The following ZNF469 variants were observed in gnomAD, a reference collection of about 807,000 sequenced individuals.
ZNF469 encodes zinc finger protein 469.
Under a neutral mutation model 1.0 loss-of-function variants are expected in ZNF469, and 1 was observed. That is an observed-to-expected ratio of 1.00 (90% CI 0.35 to 4.73). The LOEUF is 4.73. ZNF469 is among the 30% of genes most tolerant of loss of function. The probability of loss-of-function intolerance (pLI) is 0.16; values close to 1 mark genes in which losing one functional copy is unlikely to be tolerated. For synonymous variants in ZNF469, 2,703 were observed against 2,363.4 expected (o/e 1.14, Z -4.17); for missense variants, 6,100 against 5,356.3 (o/e 1.14, Z -4.33).
At chr16:88,386,791 G>C (rs2092537604) in intron 1 of ZNF469, among the ~76,000 whole-genome samples, 2 of 152,202 alleles carry the variant, frequency 1.3e-5, no homozygotes, top group South Asian at 4.1e-4. Context: ...CATGCTGGGG[G>C]CTGGACAGAG....
rs767731436 is a variant in ZNF469, at chr16:88,436,176, G to T, written c.8706G>T (p.Thr2902=). The stretch of plus-strand genomic sequence containing the variant: ...GCTTTGAGGAGGGCGGTGACCCCAC[G>T]CTGGGCCCAGCCCGCCTGCCCACGG... The part of the protein sequence containing the change: ...QPSFEEGGDP[T]LGPARLPTDL... The change falls in exon 3 of 3, where the codon ACG becomes ACT. Residue 2902 remains threonine (T), a synonymous_variant. Transcript: ENST00000565624. 3 of 1,547,550 alleles carry T rather than the reference G, an allele frequency of 1.9e-6. No homozygotes were observed. In the Admixed American group the frequency reaches 5.9e-5, roughly 30 times the overall value.
the ZNF469 span, among the ~76,000 whole-genome samples, chr16:88,377,660 C>T: frequency 6.6e-5 from 10 of 152,044 alleles, no homozygotes; most frequent in African/African-American, 1.7e-4. Context: ...TCCTCACTCC[C>T]CATCCTCCCT....
chr16:88,190,739 G>C, the ZNF469 span, among the ~76,000 whole-genome samples: 3 of 152,052 alleles, frequency 2.0e-5, no homozygotes, highest in Non-Finnish European at 4.4e-5. Flanking sequence ...GCTTGAACTA[G>C]GGAAGTATGT....
chr16:88,347,562 A>G, the ZNF469 span, among the ~76,000 whole-genome samples: 58 of 152,244 alleles, frequency 3.8e-4, no homozygotes, highest in African/African-American at 1.3e-3. Flanking sequence ...CAGAACTGTG[A>G]CGATAAACTC....
At chr16:88,308,041 T>C in the ZNF469 span, among the ~76,000 whole-genome samples, 1 of 152,228 alleles carries the variant, frequency 6.6e-6, no homozygotes, top group South Asian at 2.1e-4. Flanking sequence ...CTAACCTCAT[T>C]CTTTTGCACA....
At chr16:88,318,494 G>C in the ZNF469 span, among the ~76,000 whole-genome samples, 1 of 151,996 alleles carries the variant, frequency 6.6e-6, no homozygotes, top group African/African-American at 2.4e-5. Context: ...TCAGGATCAG[G>C]CAATTCTCCC....
In ZNF469 at chr16:88,435,560, C is replaced by T. The variant is rs1906511870; in HGVS notation, c.8090C>T (p.Thr2697Ile). 2 of 1,549,878 alleles carry T rather than the reference C, an allele frequency of 1.3e-6. No individual in the cohort carries two copies. The highest frequency in any genetic ancestry group is 1.7e-6 in the Non-Finnish European group (2 of 1,146,990). ...GGGGAGCAGCCGCCTCGCTTGGCCA[C>T]TCTGGGACCTGGGGTGATGGAGGGT... ...ADGEQPPRLA[T>I]LGPGVMEGAA... The change falls in exon 3 of 3, where the codon ACT becomes ATT. Residue 2697 changes from threonine (T) to isoleucine (I), a missense_variant. By Grantham distance (89) the Thr-to-Ile change is moderately conservative (BLOSUM62 -1). Coordinates refer to ENST00000565624, the MANE Select transcript of ZNF469 (RefSeq NM_001367624.2).
the ZNF469 span, among the ~76,000 whole-genome samples, chr16:88,161,639 A>G: frequency 2.0e-5 from 3 of 152,194 alleles, no homozygotes; most frequent in African/African-American, 7.2e-5. Context: ...TTTTGGTTGC[A>G]TTTTATTCGG....
chr16:88,435,734 T>C lies in ZNF469; in HGVS notation c.8264T>C (p.Phe2755Ser). ...CAGAAGGGAGCCTCGGCAAGGGGGT[T>C]CTGGGGACCAAGAGAGACCAAGGCG... ...TGQKGASARG[F>S]WGPRETKALG... The change falls in exon 3 of 3, where the codon TTC becomes TCC. Residue 2755 changes from phenylalanine to serine, a missense_variant. Physicochemically the swap from Phe to Ser is radical, Grantham distance 155. Coordinates refer to ENST00000565624, the MANE Select transcript of ZNF469 (RefSeq NM_001367624.2). 5.2e-6 allele frequency: 8 copies of C among 1,550,790 alleles called. No individual in the cohort carries two copies. The highest frequency in any genetic ancestry group is 7.0e-6 in the Non-Finnish European group (8 of 1,146,980).
intron 1 of ZNF469, among the ~76,000 whole-genome samples, chr16:88,403,646 C>T (rs1246384144): frequency 2.0e-5 from 3 of 152,226 alleles, no homozygotes; most frequent in Non-Finnish European, 4.4e-5. Context: ...CTGCCCTCGG[C>T]CCCCACAGTT....
the ZNF469 span, among the ~76,000 whole-genome samples, chr16:88,251,536 GTCTTTTTT>G: frequency 5.1e-5 from 4 of 78,788 alleles, no homozygotes; most frequent in African/African-American, 5.3e-5. Flanking sequence ...TGTCCCTGCT[GTCTTTTTT>G]TTTTTTTTTT....
chr16:88,337,233 C>G, the ZNF469 span, among the ~76,000 whole-genome samples: 23 of 152,172 alleles, frequency 1.5e-4, no homozygotes. Context: ...AAGGACCCAG[C>G]AGGAGGTAAC....
Position 88,438,795 on chromosome 16 carries a change from T to A in ZNF469, c.11325T>A (p.Pro3775=). 6.5e-7 allele frequency: 1 copy of A among 1,550,182 alleles called. No homozygotes were observed. Among genetic ancestry groups the A allele is most frequent in the Non-Finnish European group, 8.7e-7 (1 of 1,146,906 alleles). The change falls in exon 3 of 3, where the codon CCT becomes CCA. Residue 3775 remains proline, a synonymous_variant. Transcript: ENST00000565624. ...AGCCCAGCTTCCCCAGCCGGAGCCC[T>A]GCACCAGAGAGGCTCCCCGCTCGAG... is the stretch of plus-strand genomic sequence containing the variant. The part of the protein sequence containing the change: ...PAKPSFPSRS[P]APERLPARAQ...
At chr16:88,346,494 C>T in the ZNF469 span, among the ~76,000 whole-genome samples, 2 of 152,214 alleles carry the variant, frequency 1.3e-5, no homozygotes, top group South Asian at 2.1e-4. Flanking sequence ...ACAGCAGGAC[C>T]GTTGCTCCTA....
chr16:88,439,614 C>A lies in ZNF469; in HGVS notation c.*282C>A, dbSNP rs1031843830. Reference sequence around the variant, plus strand: ...TGGTACCAAGTACTTGAAGAGACAGCAGCCCATCCCCTCAGCCCACACCCC... The same window carrying A: ...TGGTACCAAGTACTTGAAGAGACAGAAGCCCATCCCCTCAGCCCACACCCC... On this transcript the variant is annotated 3_prime_UTR_variant, in exon 3 of 3. Transcript: ENST00000565624. The A allele has an allele frequency of 6.3e-6, 3 of 476,398 alleles. No individual in the cohort carries two copies. Among genetic ancestry groups the A allele is most frequent in the Admixed American group, 3.4e-5 (1 of 29,804 alleles). The allele number at this position is 476,398 out of a possible 1,614,324, so 29.5% of individuals were successfully genotyped here.
Position 88,427,424 on chromosome 16 carries a change from G to C in ZNF469, c.-47G>C. ...ATGGCCGTCCAGCCCACTCCCCAGG[G>C]CCCCCCTCGGACAGCTGCGTCGTCC... On this transcript the variant is annotated 5_prime_UTR_variant, in exon 3 of 3. Coordinates refer to ENST00000565624, the MANE Select transcript of ZNF469 (RefSeq NM_001367624.2). The C allele has an allele frequency of 6.9e-7, 1 of 1,443,128 alleles. No individual in the cohort carries two copies. Among genetic ancestry groups the C allele is most frequent in the East Asian group, 2.5e-5 (1 of 39,728 alleles). 89.4% of individuals were successfully genotyped at this position (1,443,128 alleles called of 1,614,324 possible). A position where few individuals can be genotyped will look rare whatever the true frequency, so the allele number is the denominator to read the frequency against.
the ZNF469 span, among the ~76,000 whole-genome samples, chr16:88,135,244 G>T: frequency 6.6e-6 from 1 of 152,238 alleles, no homozygotes; most frequent in East Asian, 1.9e-4. Flanking sequence ...ATCTCACAAG[G>T]CCTCTTGGCC....
chr16:88,371,292 C>A, the ZNF469 span, among the ~76,000 whole-genome samples: 8 of 152,222 alleles, frequency 5.3e-5, no homozygotes, highest in African/African-American at 1.4e-4. Flanking sequence ...GATAGATAAA[C>A]AATTAGGAGA....
At chr16:88,239,375 A>G in the ZNF469 span, among the ~76,000 whole-genome samples, 2 of 152,058 alleles carry the variant, frequency 1.3e-5, no homozygotes, top group Non-Finnish European at 2.9e-5. Context: ...AAAGCCACTT[A>G]TATAAAAGGT....
Sources: allele counts gnomAD v4.1 joint callset (sites outside exome capture counted in the v4.1 genomes callset), GRCh38; gene constraint gnomAD v4.1.1; transcripts MANE v1.5; gene names NCBI Gene and HGNC (gene_info 2026-07-23, HGNC 2026-07-21).